ARFGEF3: variants seen among roughly 807,000 people sequenced by gnomAD.
The protein encoded by ARFGEF3 is brefeldin A-inhibited guanine nucleotide-exchange protein 3.
In ARFGEF3, 96 loss-of-function variants were observed where a neutral mutation model predicts 221.7. The observed-to-expected ratio is 0.43, with a 90% CI of 0.37 to 0.51. The LOEUF is 0.51. ARFGEF3 is among the 20% of genes least tolerant of loss of function. The pLI, the probability that ARFGEF3 is intolerant of heterozygous loss-of-function variation, is 0.00. For synonymous variants in ARFGEF3, 1,145 were observed against 1,126.8 expected (o/e 1.02, Z -0.32); for missense variants, 2,410 against 2,789.9 (o/e 0.86, Z 3.07).
intron 8 of ARFGEF3, among the ~76,000 whole-genome samples, chr6:138,250,627 A>C (rs928761643): frequency 6.6e-6 from 1 of 152,268 alleles, no homozygotes; most frequent in African/African-American, 2.4e-5. Flanking sequence ...CTCCAGAGAT[A>C]CAAAACGTGC....
At position 138,296,709 on chromosome 6, in the gene ARFGEF3, T is replaced by C. The variant is rs78532117; in HGVS notation, c.3503-101T>C. 1,623 of 1,389,366 alleles carry C rather than the reference T, an allele frequency of 1.2e-3. 12 individuals carry two copies. The African/African-American group carries it at 0.021, about 18-fold the overall frequency. The allele number at this position is 1,389,366 out of a possible 1,614,324, so 86.1% of individuals were successfully genotyped here. A position where few individuals can be genotyped will look rare whatever the true frequency, so the allele number is the denominator to read the frequency against. On this transcript the variant is annotated intron_variant, in intron 20 of 33. Coordinates refer to ENST00000251691, the MANE Select transcript of ARFGEF3 (RefSeq NM_020340.5). ...TTGGTTAGCCAATATCGAATTACCC[T>C]ACTGGTCCTACCTAGATTTTCAACC...
chr6:138,343,841 A>G lies in ARFGEF3; in HGVS notation c.*7355A>G, dbSNP rs1194345776. The G allele has an allele frequency of 6.6e-6, 1 of 152,182 alleles. No individual in the cohort carries two copies. Among genetic ancestry groups the G allele is most frequent in the East Asian group, 1.9e-4 (1 of 5,198 alleles). 9.4% of individuals were successfully genotyped at this position (152,182 alleles called of 1,614,324 possible). A position where few individuals can be genotyped will look rare whatever the true frequency, so the allele number is the denominator to read the frequency against. Reference sequence around the variant, plus strand: ...TCCCACAAAATAGGCAAAGCTGAACAAAGATGAATGCTTTTGATAAGTTGG... The same window carrying G: ...TCCCACAAAATAGGCAAAGCTGAACGAAGATGAATGCTTTTGATAAGTTGG... On this transcript the variant is annotated 3_prime_UTR_variant, in exon 34 of 34. Coordinates refer to ENST00000251691, the MANE Select transcript of ARFGEF3 (RefSeq NM_020340.5).
At chr6:138,196,990 C>A (rs1018883551) in intron 2 of ARFGEF3, among the ~76,000 whole-genome samples, 1 of 151,934 alleles carries the variant, frequency 6.6e-6, no homozygotes, top group Non-Finnish European at 1.5e-5. Context: ...GGCACCACCA[C>A]GCCCGGCTAA....
chr6:138,247,806 A>AAT (rs1366510071), intron 8 of ARFGEF3, among the ~76,000 whole-genome samples: 1 of 152,242 alleles, frequency 6.6e-6, no homozygotes, highest in Non-Finnish European at 1.5e-5. Flanking sequence ...ATGTTTTTGT[A>AAT]AGATTGAGTG....
rs141026210 is a variant in ARFGEF3 at position 138,262,775 on chromosome 6, G to C, written c.1292G>C (p.Cys431Ser). 3.7e-6 allele frequency: 6 copies of C among 1,614,044 alleles called. No homozygotes were observed. In the African/African-American group the frequency reaches 6.7e-5, roughly 18 times the overall value. ...EACYAAVSCV[C>S]TLLGALDELS... ...TGCTATGCAGCCGTGTCCTGTGTCT[G>C]CACCTTGCTGGGTGCCCTGGATGAG... Residue 431 changes from cysteine to serine, a missense_variant, in exon 12 of 34, where the codon TGC becomes TCC. Cys to Ser is a moderately radical substitution (Grantham distance 112). Around this residue, in one of 5 missense-constraint regions of ARFGEF3, gnomAD observed 570 missense variants for 586.9 expected, o/e 0.97. Coordinates refer to ENST00000251691, the MANE Select transcript of ARFGEF3 (RefSeq NM_020340.5).
At chr6:138,241,880 C>T (rs538636674) in intron 6 of ARFGEF3, among the ~76,000 whole-genome samples, 1 of 152,124 alleles carries the variant, frequency 6.6e-6, no homozygotes, top group Non-Finnish European at 1.5e-5. Context: ...TTTAGGTAAC[C>T]TAAGCTATTG....
chr6:138,299,813 C>T (rs1441182762), intron 22 of ARFGEF3, among the ~76,000 whole-genome samples: 2 of 152,176 alleles, frequency 1.3e-5, no homozygotes, highest in Non-Finnish European at 2.9e-5. Context: ...ATACTATCAG[C>T]TTGTTTCTAA....
intron 4 of ARFGEF3, among the ~76,000 whole-genome samples, chr6:138,222,464 TCAGGG>T (rs994317289): frequency 2.0e-5 from 3 of 152,046 alleles, no homozygotes; most frequent in Non-Finnish European, 2.9e-5. Context: ...AATTTTGTCC[TCAGGG>T]GACGTTTAGC....
At chr6:138,252,115 C>T (rs1778593687) in intron 8 of ARFGEF3, among the ~76,000 whole-genome samples, 1 of 152,140 alleles carries the variant, frequency 6.6e-6, no homozygotes, top group Non-Finnish European at 1.5e-5. Flanking sequence ...TTTCTTCTTC[C>T]ACCCTCAAAG....
intron 22 of ARFGEF3, among the ~76,000 whole-genome samples, chr6:138,303,946 C>T (rs1375273289): frequency 6.8e-6 from 1 of 148,004 alleles, no homozygotes; most frequent in Non-Finnish European, 1.5e-5. Context: ...TCATGCCCTA[C>T]TGGTGAGAGG....
chr6:138,313,953 T>C lies in ARFGEF3; in HGVS notation c.4345+14T>C, dbSNP rs377171768. On this transcript the variant is annotated intron_variant, in intron 26 of 33. Coordinates refer to ENST00000251691, the MANE Select transcript of ARFGEF3 (RefSeq NM_020340.5). ...ATGATGACACCGGTAAGCTAATTGA[T>C]TGGACTAAACTAGGTTATTTGCTGT... 3.4e-5 allele frequency: 55 copies of C among 1,613,002 alleles called. No homozygotes were observed. Among genetic ancestry groups the C allele is most frequent in the Non-Finnish European group, 4.6e-5 (54 of 1,179,412 alleles).
Position 138,336,454 on chromosome 6 carries a change from AG to A in ARFGEF3, c.6505del (p.Val2169TrpfsTer20). 6.2e-7 allele frequency: 1 copy of A among 1,611,948 alleles called. No homozygotes were observed. The highest frequency in any genetic ancestry group is 8.5e-7 in the Non-Finnish European group (1 of 1,179,092). On this transcript the variant is annotated frameshift_variant, in exon 34 of 34. Coordinates refer to ENST00000251691, the MANE Select transcript of ARFGEF3 (RefSeq NM_020340.5). LOFTEE classifies it high-confidence loss of function. ...CCAGGCTGTGAGGGAGTGGCTGGGC[AG>A]GGTGGGCCGTGTCTATGACATCATT... ...VRQAVREWLG[R>X]VGRVYDIIV
chr6:138,164,755 C>G (rs1312128054), intron 1 of ARFGEF3, among the ~76,000 whole-genome samples: 1 of 152,188 alleles, frequency 6.6e-6, no homozygotes, highest in African/African-American at 2.4e-5. Flanking sequence ...TGTGGGTTGA[C>G]TGACATGCTC....
chr6:138,222,396 T>C (rs923182441), intron 4 of ARFGEF3, among the ~76,000 whole-genome samples: 5 of 152,196 alleles, frequency 3.3e-5, no homozygotes, highest in Non-Finnish European at 1.5e-5. Context: ...AGTTCTGAGT[T>C]ATGTCTACAA....
rs1780344221 is a variant in ARFGEF3, at chr6:138,337,249, A to G, written c.*763A>G. ...AAAGTGGCTGGTACGTAGATTGTCA[A>G]GAGACATAAGACCGACCAGCCACCC... On this transcript the variant is annotated 3_prime_UTR_variant, in exon 34 of 34. Transcript: ENST00000251691. The G allele has an allele frequency of 6.5e-6, 1 of 152,674 alleles. No individual in the cohort carries two copies. The highest frequency in any genetic ancestry group is 1.5e-5 in the Non-Finnish European group (1 of 68,052). 9.5% of individuals were successfully genotyped at this position (152,674 alleles called of 1,614,324 possible). A position where few individuals can be genotyped will look rare whatever the true frequency, so the allele number is the denominator to read the frequency against.
intron 24 of ARFGEF3, among the ~76,000 whole-genome samples, chr6:138,309,780 G>T (rs1779793030): frequency 2.6e-5 from 4 of 152,184 alleles, no homozygotes; most frequent in Admixed American, 6.5e-5. Flanking sequence ...GACAAGAGAA[G>T]GATATCCCAG....
At chr6:138,228,118 CA>C (rs1414234094) in intron 4 of ARFGEF3, among the ~76,000 whole-genome samples, 2 of 151,246 alleles carry the variant, frequency 1.3e-5, no homozygotes, top group African/African-American at 4.9e-5. Flanking sequence ...CCCATGAGGC[CA>C]AGAGGCAGTT....
intron 22 of ARFGEF3, among the ~76,000 whole-genome samples, chr6:138,300,668 T>G (rs567876360): frequency 6.6e-6 from 1 of 152,212 alleles, no homozygotes; most frequent in Admixed American, 6.5e-5. Flanking sequence ...AAAACCGCAA[T>G]TACTTTTGCA....
chr6:138,321,270 T>C, intron 29 of ARFGEF3, 45 bp downstream of exon 29: 2 of 1,077,964 alleles, frequency 1.9e-6, no homozygotes, highest in East Asian at 5.3e-5. Context: ...GGAGTTTTTA[T>C]TTAAAAATCT....
Sources: gnomAD v4.1 joint callset for allele counts (sites outside exome capture counted in the v4.1 genomes callset) on GRCh38, gnomAD v4.1.1 for gene constraint, gnomAD v4.1.1 regional missense constraint, MANE v1.5 for transcripts, NCBI Gene and HGNC (gene_info 2026-07-23, HGNC 2026-07-21) for gene names.